Variants in ETV1 observed in about 807,000 individuals in gnomAD.
The protein encoded by ETV1 is ETS variant transcription factor 1.
ETV1 carries 27 observed loss-of-function variants against 62.3 expected under a neutral mutation model. That is an observed-to-expected ratio of 0.43 (90% CI 0.32 to 0.60). ETV1 has a LOEUF of 0.60. ETV1 is among the 20% of genes least tolerant of loss of function. The pLI, the probability that ETV1 is intolerant of heterozygous loss-of-function variation, is 0.06. For synonymous variants in ETV1, 222 were observed against 199.6 expected, an observed-to-expected ratio of 1.11 and a Z score of -0.94; for missense variants, 605 against 605.8, an observed-to-expected ratio of 1.00 and a Z score of 0.01.
intron 6 of ETV1, among the ~76,000 whole-genome samples, chr7:13,963,138 T>C (rs1326263907): frequency 2.0e-5 from 3 of 152,074 alleles, no homozygotes; most frequent in Non-Finnish European, 4.4e-5. Context: ...GAGAATCAAA[T>C]GAGATACAGG....
At chr7:13,963,576 TAG>T (rs530224013) in intron 6 of ETV1, among the ~76,000 whole-genome samples, 1 of 151,196 alleles carries the variant, frequency 6.6e-6, no homozygotes, top group Non-Finnish European at 1.5e-5. Context: ...TACGTATATA[TAG>T]AGAGAGAAGT....
chr7:13,939,025 C>G, intron 7 of ETV1, 92 bp downstream of exon 7: 2 of 1,278,830 alleles, frequency 1.6e-6, no homozygotes, highest in Non-Finnish European at 2.2e-6. Flanking sequence ...AAAGACGTTA[C>G]TCATAAAATA....
intron 4 of ETV1, among the ~76,000 whole-genome samples, chr7:13,987,753 C>T (rs1782675293): frequency 6.6e-6 from 1 of 152,136 alleles, no homozygotes; most frequent in Non-Finnish European, 1.5e-5. Context: ...GAATTTGTCC[C>T]ACTGTATTGG....
At chr7:13,937,465 T>C (rs2128457698) in intron 7 of ETV1, among the ~76,000 whole-genome samples, 1 of 152,366 alleles carries the variant, frequency 6.6e-6, no homozygotes, top group Admixed American at 6.5e-5. Context: ...CATATATCAC[T>C]GTGGGGACTT....
intron 9 of ETV1, among the ~76,000 whole-genome samples, chr7:13,916,553 G>A (rs1209191651): frequency 1.3e-5 from 2 of 152,062 alleles, no homozygotes; most frequent in South Asian, 2.1e-4. Flanking sequence ...CAGGAGAATC[G>A]CTTGAACCCA....
intron 5 of ETV1, chr7:13,985,242 G>T (rs10235014): frequency 6.6e-6 from 1 of 151,826 alleles, no homozygotes; most frequent in Non-Finnish European, 1.5e-5. Context: ...TGAAAAACTT[G>T]TATCTGAATA....
intron 13 of ETV1, among the ~76,000 whole-genome samples, chr7:13,898,012 A>G (rs1409144836): frequency 6.6e-6 from 1 of 152,188 alleles, no homozygotes; most frequent in African/African-American, 2.4e-5. Context: ...AGCTTATGCA[A>G]TCTCTCAAGG....
intron 6 of ETV1, among the ~76,000 whole-genome samples, chr7:13,940,652 A>G (rs1227535765): frequency 2.0e-5 from 3 of 152,208 alleles, no homozygotes; most frequent in Non-Finnish European, 2.9e-5. Flanking sequence ...CAGTATGTTA[A>G]GTCCGCTTTC....
intron 6 of ETV1, among the ~76,000 whole-genome samples, chr7:13,956,455 G>C (rs1789475080): frequency 6.6e-6 from 1 of 152,052 alleles, no homozygotes; most frequent in African/African-American, 2.4e-5. Context: ...TGTCTGATGG[G>C]AACCAAGATA....
At chr7:13,932,545 T>C (rs534812617) in intron 8 of ETV1, among the ~76,000 whole-genome samples, 1 of 152,284 alleles carries the variant, frequency 6.6e-6, no homozygotes, top group African/African-American at 2.4e-5. Flanking sequence ...TGTTAGGACA[T>C]GAGGAAGTTC....
At chr7:13,947,358 C>A (rs1788283271) in intron 6 of ETV1, among the ~76,000 whole-genome samples, 1 of 121,852 alleles carries the variant, frequency 8.2e-6, no homozygotes, top group Non-Finnish European at 1.7e-5. Context: ...ATAGAAAATA[C>A]TAATTGTAAT....
At position 13,911,241 on chromosome 7, in the gene ETV1, T is replaced by A; in HGVS notation, c.869A>T (p.Glu290Val). The A allele has an allele frequency of 6.2e-7, 1 of 1,611,554 alleles. No individual in the cohort carries two copies. The highest frequency in any genetic ancestry group is 8.5e-7 in the Non-Finnish European group (1 of 1,177,840). ...EGFLAHPSRT[E>V]GCMFEKGPRQ... Reference sequence around the variant, plus strand: ...AATTTCAGTGGTGGACAACTTAACTTCTGTTCTGCTGGGATGAGCCAGGAA... The same window carrying A: ...AATTTCAGTGGTGGACAACTTAACTACTGTTCTGCTGGGATGAGCCAGGAA... Residue 290 changes from glutamate to valine, a missense_variant and splice_region_variant, in exon 10 of 14, where the codon GAA (glutamate) becomes GTA (valine). Glu to Val is a moderately radical substitution (Grantham distance 121). This residue lies in a region of ETV1 where 426 missense variants were observed against 377.8 expected (regional missense o/e 1.13). Coordinates refer to ENST00000430479, the MANE Select transcript of ETV1 (RefSeq NM_004956.5).
intron 6 of ETV1, among the ~76,000 whole-genome samples, chr7:13,962,128 A>C (rs1790239944): frequency 6.6e-6 from 1 of 151,840 alleles, no homozygotes; most frequent in African/African-American, 2.4e-5. Context: ...AGTATGTTCC[A>C]TGTGCCAAAT....
intron 6 of ETV1, among the ~76,000 whole-genome samples, chr7:13,942,152 T>C (rs1477322187): frequency 6.6e-6 from 1 of 150,410 alleles, no homozygotes; most frequent in Non-Finnish European, 1.5e-5. Flanking sequence ...GCCTCCCGAG[T>C]AGCTGGGACT....
chr7:13,898,954 G>A (rs1172808220), intron 13 of ETV1, among the ~76,000 whole-genome samples: 1 of 152,122 alleles, frequency 6.6e-6, no homozygotes, highest in African/African-American at 2.4e-5. Flanking sequence ...CATTGTGCCA[G>A]TTACAATGTA....
intron 11 of ETV1, among the ~76,000 whole-genome samples, chr7:13,908,803 A>C (rs972696164): frequency 1.3e-5 from 2 of 152,110 alleles, no homozygotes; most frequent in Non-Finnish European, 2.9e-5. Context: ...AGAGCACCCA[A>C]GTCATTATAG....
At chr7:13,940,471 T>A (rs1405864111) in intron 6 of ETV1, among the ~76,000 whole-genome samples, 1 of 152,048 alleles carries the variant, frequency 6.6e-6, no homozygotes, top group Non-Finnish European at 1.5e-5. Context: ...AATAATTAAA[T>A]TTTTGGTATA....
chr7:13,952,238 C>G (rs1221242644), intron 6 of ETV1, among the ~76,000 whole-genome samples: 1 of 152,062 alleles, frequency 6.6e-6, no homozygotes, highest in Admixed American at 6.6e-5. Flanking sequence ...CCTTCCATTC[C>G]TAATCTGCAA....
chr7:13,895,362 T>A lies in ETV1; in HGVS notation c.*504A>T. 1 of 234,618 alleles carries A rather than the reference T, an allele frequency of 4.3e-6. No individual in the cohort carries two copies. Among genetic ancestry groups the A allele is most frequent in the Non-Finnish European group, 8.4e-6 (1 of 118,714 alleles). 14.5% of individuals were successfully genotyped at this position (234,618 alleles called of 1,614,324 possible). On this transcript the variant is annotated 3_prime_UTR_variant, in exon 14 of 14. Coordinates refer to ENST00000430479, the MANE Select transcript of ETV1 (RefSeq NM_004956.5). ...TGCAAAAACAGTCATTTCTAACAAT[T>A]AAACTGCCATTTACAGTAGATTGGG...
Sources: allele counts gnomAD v4.1 joint callset (sites outside exome capture counted in the v4.1 genomes callset), GRCh38; gene constraint gnomAD v4.1.1; regional missense constraint gnomAD v4.1.1; transcripts MANE v1.5; gene names NCBI Gene and HGNC (gene_info 2026-07-23, HGNC 2026-07-21).